The following ZNF605 variants were observed in gnomAD, a reference collection of about 807,000 sequenced individuals.
ZNF605 encodes zinc finger protein 605.
In ZNF605, 9 loss-of-function variants were observed where a neutral mutation model predicts 7.9. That is an observed-to-expected ratio of 1.14 (90% CI 0.68 to 1.98). The LOEUF is 1.98. ZNF605 is among the 30% of genes most tolerant of loss of function. The pLI is 0.00. For synonymous variants in ZNF605, 255 were observed against 260.1 expected, an observed-to-expected ratio of 0.98 and a Z score of 0.19; for missense variants, 673 against 762.4, an observed-to-expected ratio of 0.88 and a Z score of 1.38.
intron 4 of ZNF605, chr12:132,932,806 CT>C: frequency 6.5e-7 from 1 of 1,534,840 alleles, no homozygotes; most frequent in East Asian, 2.4e-5. Flanking sequence ...ATTTGAAAAC[CT>C]GTCGATTGGA....
chr12:132,925,335 T>C lies in ZNF605; in HGVS notation c.*38A>G. Reference sequence around the variant, plus strand: ...CAAAAGTGTCAGAAAGTATGACACTTGATAGCAACCTTTCTGCATTCGCCA... The same window carrying C: ...CAAAAGTGTCAGAAAGTATGACACTCGATAGCAACCTTTCTGCATTCGCCA... On this transcript the variant is annotated 3_prime_UTR_variant, in exon 5 of 5. Transcript: ENST00000360187. The C allele has an allele frequency of 6.8e-7, 1 of 1,466,946 alleles. No homozygotes were observed. The highest frequency in any genetic ancestry group is 1.3e-5 in the South Asian group (1 of 74,654). The allele number at this position is 1,466,946 out of a possible 1,614,324, so 90.9% of individuals were successfully genotyped here. A position where few individuals can be genotyped will look rare whatever the true frequency, so the allele number is the denominator to read the frequency against.
chr12:132,936,355 G>T (rs1952366866), intron 3 of ZNF605, among the ~76,000 whole-genome samples: 3 of 152,046 alleles, frequency 2.0e-5, no homozygotes, highest in African/African-American at 7.2e-5. Flanking sequence ...TAGACCAGAA[G>T]AAATAATAAA....
chr12:132,949,467 C>T (rs1952534739), intron 1 of ZNF605, among the ~76,000 whole-genome samples: 1 of 152,186 alleles, frequency 6.6e-6, no homozygotes, highest in South Asian at 2.1e-4. Context: ...CAATTGGCCC[C>T]CTGGCCCTCA....
At chr12:132,954,101 C>G (rs1427153061) in intron 1 of ZNF605, among the ~76,000 whole-genome samples, 1 of 151,786 alleles carries the variant, frequency 6.6e-6, no homozygotes, top group Non-Finnish European at 1.5e-5. Flanking sequence ...CCACAGGCCC[C>G]CAGACACTTA....
chr12:132,946,392 T>C (rs1475415333), intron 2 of ZNF605, among the ~76,000 whole-genome samples: 4 of 152,180 alleles, frequency 2.6e-5, no homozygotes, highest in Non-Finnish European at 5.9e-5. Flanking sequence ...GGGGTGGAGC[T>C]GAGGCGTGGG....
intron 1 of ZNF605, among the ~76,000 whole-genome samples, chr12:132,952,318 G>A (rs1439444532): frequency 1.3e-5 from 2 of 151,636 alleles, no homozygotes; most frequent in East Asian, 1.9e-4. Context: ...AAAATTAGCC[G>A]GGCATGGTGG....
intron 4 of ZNF605, among the ~76,000 whole-genome samples, chr12:132,928,538 T>C (rs1271925383): frequency 6.6e-6 from 1 of 152,256 alleles, no homozygotes; most frequent in Non-Finnish European, 1.5e-5. Flanking sequence ...TTTTTTATAA[T>C]AGTAGAACAG....
At chr12:132,942,835 T>C (rs1051273283) in intron 3 of ZNF605, among the ~76,000 whole-genome samples, 1 of 152,222 alleles carries the variant, frequency 6.6e-6, no homozygotes, top group African/African-American at 2.4e-5. Flanking sequence ...GCGTCTTTCC[T>C]GGCATGGCAA....
chr12:132,950,795 G>C (rs967029671), intron 1 of ZNF605, among the ~76,000 whole-genome samples: 2 of 149,650 alleles, frequency 1.3e-5, no homozygotes, highest in Admixed American at 6.6e-5. Flanking sequence ...CAGACACACT[G>C]ATACATCATA....
chr12:132,956,124 C>T (rs1488002696), intron 1 of ZNF605, 119 bp downstream of exon 1: 1 of 151,870 alleles, frequency 6.6e-6, no homozygotes, highest in Admixed American at 6.6e-5. Context: ...CCAGCTCGTT[C>T]GCGCTGGGGT....
At chr12:132,932,797 T>C in intron 4 of ZNF605, 3 of 1,535,960 alleles carry the variant, frequency 2.0e-6, no homozygotes, top group Non-Finnish European at 2.6e-6. Flanking sequence ...GGTTTGAGAA[T>C]TTGAAAACCT....
intron 2 of ZNF605, among the ~76,000 whole-genome samples, 159 bp downstream of exon 2, chr12:132,947,989 G>GT (rs1243489300): frequency 6.6e-6 from 1 of 152,080 alleles, no homozygotes; most frequent in African/African-American, 2.4e-5. Flanking sequence ...AGTGCAGGCG[G>GT]TATCTTTTCC....
chr12:132,931,187 T>A (rs1483276747), intron 4 of ZNF605, among the ~76,000 whole-genome samples: 6 of 152,188 alleles, frequency 3.9e-5, no homozygotes, highest in Non-Finnish European at 7.4e-5. Flanking sequence ...CTCAAAAAAA[T>A]TTTTTAAATA....
In ZNF605 at chr12:132,926,911, A is replaced by G; in HGVS notation, c.388T>C (p.Cys130Arg). 6.2e-7 allele frequency: 1 copy of G among 1,612,846 alleles called. No homozygotes were observed. ...CCATGGGTTCTGCCAGGTTTGATAC[A>G]GAACAATAATTTCTTATTGAGTTCA... ...IDELNKKLLF[C>R]IKPGRTHGGI... is the part of the protein sequence containing the mutation. Residue 130 changes from cysteine to arginine, a missense_variant, in exon 5 of 5, where the codon TGT (cysteine) becomes CGT (arginine). Cys to Arg is a radical substitution (Grantham distance 180, BLOSUM62 -3). Transcript: ENST00000360187.
rs1593574087 is a variant in ZNF605 at position 132,919,646 on chromosome 12, C to A, written c.*5727G>T. ...CCTCGTGATCCACCCATCTTGGCCT[C>A]CCAAAGTGCTGAGATTACAGGCATG... On this transcript the variant is annotated 3_prime_UTR_variant, in exon 5 of 5. Transcript: ENST00000360187. 2 of 152,120 alleles carry A rather than the reference C, an allele frequency of 1.3e-5. No individual in the cohort carries two copies. The highest frequency in any genetic ancestry group is 2.9e-5 in the Non-Finnish European group (2 of 68,070). 9.4% of individuals were successfully genotyped at this position (152,120 alleles called of 1,614,324 possible). A position where few individuals can be genotyped will look rare whatever the true frequency, so the allele number is the denominator to read the frequency against.
rs752109368 is a variant in ZNF605 at position 132,925,557 on chromosome 12, C to G, written c.1742G>C (p.Arg581Thr). The change falls in exon 5 of 5, where the codon AGA becomes ACA. Residue 581 changes from arginine to threonine, a missense_variant. Physicochemically the swap from Arg to Thr is moderately conservative, Grantham distance 71 (BLOSUM62 -1). Transcript: ENST00000360187. ...FEKAQLIIHQRIHTGERPYKC... is the reference protein window; with the variant it reads ...FEKAQLIIHQTIHTGERPYKC... ...ATATGGTCTCTCTCCTGTATGAATT[C>G]TCTGATGTATAATCAGCTGTGCCTT... 39 of 1,614,186 alleles carry G rather than the reference C, an allele frequency of 2.4e-5. No homozygotes were observed. Among genetic ancestry groups the G allele is most frequent in the Non-Finnish European group, 3.2e-5 (38 of 1,180,038 alleles).
At chr12:132,951,028 C>G (rs976208460) in intron 1 of ZNF605, among the ~76,000 whole-genome samples, 5 of 149,198 alleles carry the variant, frequency 3.4e-5, no homozygotes, top group Non-Finnish European at 5.9e-5. Flanking sequence ...ATAACACGTA[C>G]ATCACAGACA....
chr12:132,952,231 A>G (rs12319485), intron 1 of ZNF605, among the ~76,000 whole-genome samples: 24,957 of 151,808 alleles, frequency 0.16, 2,352 homozygotes, highest in South Asian at 0.25. Context: ...CTGAGGCGGT[A>G]GGCAGATCAC....
intron 3 of ZNF605, among the ~76,000 whole-genome samples, chr12:132,935,274 C>T (rs111272164): frequency 0.031 from 4,725 of 151,956 alleles, 243 homozygotes; most frequent in African/African-American, 0.11. Context: ...AGGAGTACTC[C>T]GTGTGTGGGT....
Sources: allele counts gnomAD v4.1 joint callset (sites outside exome capture counted in the v4.1 genomes callset), GRCh38; gene constraint gnomAD v4.1.1; transcripts MANE v1.5; gene names NCBI Gene and HGNC (gene_info 2026-07-23, HGNC 2026-07-21).